IL15: variants seen among roughly 807,000 people sequenced by gnomAD.
IL15 encodes interleukin 15, also known as interleukin-15.
Under a neutral mutation model 19.6 loss-of-function variants are expected in IL15, and 11 were observed. That is an observed-to-expected ratio of 0.56 (90% confidence interval 0.35 to 0.93). IL15 has a LOEUF of 0.93. IL15 is among the 40% of genes least tolerant of loss of function. The pLI is 0.01. For synonymous variants in IL15, 58 were observed against 59.6 expected (o/e 0.97, Z 0.12); for missense variants, 197 against 186.5 (o/e 1.06, Z -0.33).
At chr4:141,731,565 C>T (rs1032560740) in intron 7 of IL15, among the ~76,000 whole-genome samples, 3 of 152,184 alleles carry the variant, frequency 2.0e-5, no homozygotes, top group Non-Finnish European at 2.9e-5. Context: ...TCATCCTCAT[C>T]ATGACAGAGT....
intron 1 of IL15, among the ~76,000 whole-genome samples, chr4:141,638,683 A>G (rs1454217140): frequency 6.6e-6 from 1 of 152,210 alleles, no homozygotes; most frequent in Non-Finnish European, 1.5e-5. Context: ...TTTAAGGTTT[A>G]TCGAAATAGA....
At chr4:141,704,268 G>GT (rs1366017748) in intron 2 of IL15, among the ~76,000 whole-genome samples, 1 of 152,210 alleles carries the variant, frequency 6.6e-6, no homozygotes, top group Non-Finnish European at 1.5e-5. Flanking sequence ...GAATGTTGAA[G>GT]TTTTTCAAAT....
chr4:141,638,678 G>C (rs1002933272), intron 1 of IL15, among the ~76,000 whole-genome samples: 11 of 152,278 alleles, frequency 7.2e-5, no homozygotes, highest in South Asian at 4.1e-4. Context: ...AGTGGTTTAA[G>C]GTTTATCGAA....
At chr4:141,684,582 T>G (rs1728648503) in intron 2 of IL15, among the ~76,000 whole-genome samples, 1 of 152,320 alleles carries the variant, frequency 6.6e-6, no homozygotes, top group East Asian at 1.9e-4. Context: ...TCAATACTTT[T>G]CATTCAGTGG....
At chr4:141,699,730 G>T (rs59134902) in intron 2 of IL15, among the ~76,000 whole-genome samples, 3,936 of 152,142 alleles carry the variant, frequency 0.026, 173 homozygotes, top group African/African-American at 0.089. Flanking sequence ...TGTGTTAGGT[G>T]CATCTCTTGA....
At chr4:141,683,769 G>A (rs1198318748) in intron 2 of IL15, among the ~76,000 whole-genome samples, 6 of 152,152 alleles carry the variant, frequency 3.9e-5, no homozygotes, top group African/African-American at 1.4e-4. Flanking sequence ...TTTGAAGATG[G>A]AGATGATGTT....
Position 141,705,504 on chromosome 4 carries a change from G to A in IL15, c.-99-13862G>A, listed in dbSNP as rs1389822812. ...AGACTTGTTTTGTGGCCTAACATGT[G>A]ATCTATCCTAAAAAATGTTCCATAT... On this transcript the variant is annotated intron_variant, in intron 2 of 7. Coordinates refer to ENST00000320650, the MANE Select transcript of IL15 (RefSeq NM_000585.5). Among the ~76,000 whole-genome samples, 4 of 151,930 alleles carry A rather than the reference G, an allele frequency of 2.6e-5. No homozygotes were observed. The East Asian group carries it at 7.7e-4, about 29-fold the overall frequency.
At chr4:141,698,284 T>G (rs1729167794) in intron 2 of IL15, among the ~76,000 whole-genome samples, 1 of 152,110 alleles carries the variant, frequency 6.6e-6, no homozygotes, top group Admixed American at 6.5e-5. Flanking sequence ...ACAGGGATAT[T>G]GTTCTGTGGT....
chr4:141,665,835 G>A (rs1579001461), intron 2 of IL15, among the ~76,000 whole-genome samples: 1 of 152,062 alleles, frequency 6.6e-6, no homozygotes, highest in African/African-American at 2.4e-5. Flanking sequence ...ATATATTTTG[G>A]TTTCTGTCCA....
At chr4:141,727,869 C>T in intron 5 of IL15, 71 bp from the exon 6 acceptor site, 1 of 726,126 alleles carries the variant, frequency 1.4e-6, no homozygotes. Flanking sequence ...TTAATGTTTT[C>T]AGTAGGTTGT....
intron 2 of IL15, among the ~76,000 whole-genome samples, chr4:141,673,516 G>A (rs1345220415): frequency 6.6e-6 from 1 of 152,054 alleles, no homozygotes; most frequent in Non-Finnish European, 1.5e-5. Context: ...ATATCTTTCT[G>A]CTTCTTAAAA....
intron 2 of IL15, among the ~76,000 whole-genome samples, chr4:141,680,013 G>T (rs761589917): frequency 8.5e-5 from 13 of 152,328 alleles, no homozygotes; most frequent in South Asian, 6.2e-4. Flanking sequence ...TATTCATGTT[G>T]TCATTCAGTA....
intron 4 of IL15, 31 bp downstream of exon 4, chr4:141,720,597 AT>A (rs1246562952): frequency 9.5e-7 from 1 of 1,057,018 alleles, no homozygotes; most frequent in Non-Finnish European, 1.5e-6. Flanking sequence ...AAATAACATT[AT>A]GTTCATGGTC....
chr4:141,696,207 T>C (rs953179120), intron 2 of IL15, among the ~76,000 whole-genome samples: 3 of 152,116 alleles, frequency 2.0e-5, no homozygotes, highest in Non-Finnish European at 4.4e-5. Context: ...TTACCCAATA[T>C]ATATTCTTGG....
chr4:141,671,000 T>A (rs1238844251), intron 2 of IL15, among the ~76,000 whole-genome samples: 1 of 152,190 alleles, frequency 6.6e-6, no homozygotes, highest in Non-Finnish European at 1.5e-5. Context: ...ACAGTTGTCT[T>A]AAATATTTAA....
chr4:141,677,464 C>T (rs1373993944), intron 2 of IL15, among the ~76,000 whole-genome samples: 1 of 152,132 alleles, frequency 6.6e-6, no homozygotes, highest in Non-Finnish European at 1.5e-5. Flanking sequence ...TTCTGGTCAA[C>T]AGTAGGCTAT....
At chr4:141,679,890 G>A (rs145126066) in intron 2 of IL15, among the ~76,000 whole-genome samples, 224 of 152,300 alleles carry the variant, frequency 1.5e-3, no homozygotes, top group African/African-American at 5.1e-3. Flanking sequence ...AGAAATGGAG[G>A]ATGAGCTATA....
intron 7 of IL15, among the ~76,000 whole-genome samples, chr4:141,732,302 T>A (rs1328512780): frequency 1.3e-5 from 2 of 152,134 alleles, no homozygotes; most frequent in African/African-American, 2.4e-5. Context: ...CATCTAATAG[T>A]ATGCTGTGCA....
intron 2 of IL15, among the ~76,000 whole-genome samples, chr4:141,687,821 A>G (rs1429420280): frequency 6.6e-6 from 1 of 152,334 alleles, no homozygotes. Flanking sequence ...ATGAGTTGTG[A>G]TAGAGCAAGT....
Sources: gnomAD v4.1 joint callset for allele counts (sites outside exome capture counted in the v4.1 genomes callset) on GRCh38, gnomAD v4.1.1 for gene constraint, MANE v1.5 for transcripts, NCBI Gene and HGNC (gene_info 2026-07-23, HGNC 2026-07-21) for gene names.